SEMA3E: variants seen among roughly 807,000 people sequenced by gnomAD.
The protein encoded by SEMA3E is semaphorin-3E.
A neutral mutation model predicts 93.6 loss-of-function variants in SEMA3E; 49 were observed. That is an observed-to-expected ratio of 0.52 (90% CI 0.42 to 0.66). The LOEUF is 0.66. Ranked by LOEUF, SEMA3E falls within the 30% of genes least tolerant of loss-of-function variation. The pLI is 0.00. For missense variants in SEMA3E, 906 were observed against 964.8 expected (o/e 0.94, Z 0.81); for synonymous variants, 363 against 330.7 (o/e 1.10, Z -1.06).
chr7:83,458,884 TAATA>T (rs1258906686), intron 4 of SEMA3E, among the ~76,000 whole-genome samples: 2 of 146,766 alleles, frequency 1.4e-5, no homozygotes, highest in South Asian at 2.1e-4. Context: ...TTATATATAA[TAATA>T]TATATAGTTA....
chr7:83,427,109 C>T (rs1414324685), intron 4 of SEMA3E, among the ~76,000 whole-genome samples: 3 of 152,102 alleles, frequency 2.0e-5, no homozygotes, highest in Non-Finnish European at 2.9e-5. Context: ...TTGAAGGTAA[C>T]GTGAAGATGC....
intron 1 of SEMA3E, among the ~76,000 whole-genome samples, chr7:83,602,563 C>T (rs954670226): frequency 2.0e-5 from 3 of 152,110 alleles, no homozygotes; most frequent in African/African-American, 7.2e-5. Context: ...CTGCAACCTC[C>T]GCCTCCTGGG....
At chr7:83,438,562 G>C (rs908596419) in intron 4 of SEMA3E, among the ~76,000 whole-genome samples, 1 of 151,930 alleles carries the variant, frequency 6.6e-6, no homozygotes, top group Non-Finnish European at 1.5e-5. Flanking sequence ...AAATTTTATA[G>C]AAAACAATAG....
At chr7:83,566,377 C>T (rs1792156532) in intron 1 of SEMA3E, among the ~76,000 whole-genome samples, 1 of 152,004 alleles carries the variant, frequency 6.6e-6, no homozygotes, top group African/African-American at 2.4e-5. Flanking sequence ...TTATTGCAAC[C>T]TTATAATCAA....
At chr7:83,504,083 T>C (rs1167558320) in intron 1 of SEMA3E, among the ~76,000 whole-genome samples, 2 of 152,084 alleles carry the variant, frequency 1.3e-5, no homozygotes, top group African/African-American at 4.8e-5. Context: ...ACACCAGGAG[T>C]TTGCAATCTG....
At chr7:83,423,670 A>AT (rs71074657) in intron 4 of SEMA3E, among the ~76,000 whole-genome samples, 79,723 of 142,598 alleles carry the variant, frequency 0.56, 22,879 homozygotes, top group East Asian at 0.85. Flanking sequence ...CGCCCGGCTA[A>AT]TTTTTTTTTT....
At chr7:83,582,058 C>T (rs1562842292) in intron 1 of SEMA3E, among the ~76,000 whole-genome samples, 2 of 151,894 alleles carry the variant, frequency 1.3e-5, no homozygotes, top group Non-Finnish European at 2.9e-5. Flanking sequence ...TACACTAACC[C>T]TTAACTCCCA....
chr7:83,434,959 C>T (rs1327318400), intron 4 of SEMA3E, among the ~76,000 whole-genome samples: 1 of 151,718 alleles, frequency 6.6e-6, no homozygotes, highest in Non-Finnish European at 1.5e-5. Flanking sequence ...GTGATCCGCC[C>T]GCCTCGGCCT....
At chr7:83,584,512 G>T (rs1237872461) in intron 1 of SEMA3E, among the ~76,000 whole-genome samples, 1 of 152,120 alleles carries the variant, frequency 6.6e-6, no homozygotes, top group Non-Finnish European at 1.5e-5. Context: ...TTCTCAGTCA[G>T]TTTGTATACT....
chr7:83,390,350 T>C (rs1406935591), intron 14 of SEMA3E, among the ~76,000 whole-genome samples: 1 of 151,810 alleles, frequency 6.6e-6, no homozygotes, highest in East Asian at 2.0e-4. Flanking sequence ...ATTCTCAAAA[T>C]TGCGTATTAT....
intron 1 of SEMA3E, among the ~76,000 whole-genome samples, chr7:83,501,146 A>T (rs1790589439): frequency 6.6e-6 from 1 of 152,220 alleles, no homozygotes; most frequent in Non-Finnish European, 1.5e-5. Flanking sequence ...GGTCTGAAAT[A>T]AATGGATGAT....
At chr7:83,486,306 A>C (rs1790253490) in intron 2 of SEMA3E, among the ~76,000 whole-genome samples, 1 of 152,202 alleles carries the variant, frequency 6.6e-6, no homozygotes, top group Non-Finnish European at 1.5e-5. Flanking sequence ...CCAGGAATGC[A>C]GCTAAACATC....
chr7:83,510,019 C>A (rs1160236219), intron 1 of SEMA3E, among the ~76,000 whole-genome samples: 1 of 151,960 alleles, frequency 6.6e-6, no homozygotes, highest in Admixed American at 6.6e-5. Context: ...TAGACAAGAT[C>A]AAGAAGGGGA....
chr7:83,590,707 C>A (rs558507205), intron 1 of SEMA3E, among the ~76,000 whole-genome samples: 2 of 152,238 alleles, frequency 1.3e-5, no homozygotes, highest in East Asian at 3.9e-4. Context: ...TGCTGTCTAG[C>A]TATGATGCCT....
chr7:83,499,126 G>A (rs1296640018), intron 1 of SEMA3E, among the ~76,000 whole-genome samples: 2 of 152,104 alleles, frequency 1.3e-5, no homozygotes, highest in African/African-American at 4.8e-5. Flanking sequence ...TTGTTGTATG[G>A]ATCACCTGCG....
chr7:83,466,718 G>T (rs374150051), intron 3 of SEMA3E, 117 bp from the exon 4 acceptor site: 2 of 1,275,738 alleles, frequency 1.6e-6, no homozygotes, highest in Non-Finnish European at 2.2e-6. Context: ...TCTCTGTTGG[G>T]TGAAGGAGGC....
chr7:83,632,750 T>C (rs1218557124), intron 1 of SEMA3E, among the ~76,000 whole-genome samples: 1 of 152,154 alleles, frequency 6.6e-6, no homozygotes, highest in Non-Finnish European at 1.5e-5. Flanking sequence ...CTGCTGGCAT[T>C]AAAGAAAAAA....
chr7:83,370,817 C>G (rs2709967), intron 16 of SEMA3E, among the ~76,000 whole-genome samples: 1 of 152,254 alleles, frequency 6.6e-6, no homozygotes, highest in African/African-American at 2.4e-5. Context: ...ATTAAATTTC[C>G]TGTGTCATCT....
At chr7:83,500,738 A>G (rs889029533) in intron 1 of SEMA3E, among the ~76,000 whole-genome samples, 2 of 151,698 alleles carry the variant, frequency 1.3e-5, no homozygotes, top group African/African-American at 4.8e-5. Context: ...GATTATAGGC[A>G]TACGCCACCA....
Sources: gnomAD v4.1 joint callset for allele counts (sites outside exome capture counted in the v4.1 genomes callset) on GRCh38, gnomAD v4.1.1 for gene constraint, MANE v1.5 for transcripts, NCBI Gene and HGNC (gene_info 2026-07-23, HGNC 2026-07-21) for gene names.